Variants in ADARB2 observed in about 807,000 individuals in gnomAD.
ADARB2 encodes the protein adenosine deaminase RNA specific B2 (inactive).
A neutral mutation model predicts 62.2 loss-of-function variants in ADARB2; 25 were observed. The observed-to-expected ratio is 0.40, with a 90% confidence interval of 0.29 to 0.56. ADARB2 has a LOEUF of 0.56. Among genes scored for constraint, ADARB2 ranks in the 20% least tolerant of loss-of-function variants. The pLI is 0.43. For synonymous variants in ADARB2, 572 were observed against 500.8 expected (o/e 1.14, Z -1.90); for missense variants, 1,071 against 1,077.4 (o/e 0.99, Z 0.08).
chr10:1,673,674 G>A (rs930068484), intron 1 of ADARB2, among the ~76,000 whole-genome samples: 15 of 152,312 alleles, frequency 9.8e-5, no homozygotes, highest in African/African-American at 2.9e-4. Context: ...TAACGATGAC[G>A]AAGGAAAGGG....
At chr10:1,443,549 G>C (rs1013470728) in intron 1 of ADARB2, among the ~76,000 whole-genome samples, 1 of 152,122 alleles carries the variant, frequency 6.6e-6, no homozygotes, top group African/African-American at 2.4e-5. Context: ...AATCGCCTCT[G>C]TGTGTGGGAC....
chr10:1,714,652 A>C (rs1834993847), intron 1 of ADARB2, among the ~76,000 whole-genome samples: 2 of 152,266 alleles, frequency 1.3e-5, no homozygotes, highest in Admixed American at 1.3e-4. Flanking sequence ...CCCTCCTCCC[A>C]CAGAAGGCAG....
At chr10:1,435,062 A>G (rs1246058922) in intron 1 of ADARB2, among the ~76,000 whole-genome samples, 1 of 152,224 alleles carries the variant, frequency 6.6e-6, no homozygotes, top group African/African-American at 2.4e-5. Context: ...AAATTGAAGC[A>G]CAGCACGGAC....
chr10:1,663,218 TAC>T (rs1264427114), intron 1 of ADARB2, among the ~76,000 whole-genome samples: 5 of 152,258 alleles, frequency 3.3e-5, no homozygotes, highest in Admixed American at 6.5e-5. Flanking sequence ...CGCCTCCTTG[TAC>T]ACAGTTTGTC....
intron 3 of ADARB2, among the ~76,000 whole-genome samples, chr10:1,303,196 G>A (rs895752101): frequency 6.6e-6 from 1 of 152,098 alleles, no homozygotes; most frequent in African/African-American, 2.4e-5. Context: ...AGCTGATAGA[G>A]CTGAAAACCA....
At chr10:1,566,819 A>G (rs1173734868) in intron 1 of ADARB2, among the ~76,000 whole-genome samples, 1 of 152,242 alleles carries the variant, frequency 6.6e-6, no homozygotes, top group Non-Finnish European at 1.5e-5. Context: ...CCTTTCTTAA[A>G]TGTGTGCTTC....
At chr10:1,708,139 T>C (rs564546053) in intron 1 of ADARB2, among the ~76,000 whole-genome samples, 59 of 152,350 alleles carry the variant, frequency 3.9e-4, no homozygotes, top group African/African-American at 1.4e-3. Flanking sequence ...GGCTGCCTTC[T>C]GTCCCTTGGG....
chr10:1,418,965 G>T (rs1228479061), intron 1 of ADARB2, among the ~76,000 whole-genome samples: 1 of 152,172 alleles, frequency 6.6e-6, no homozygotes, highest in Non-Finnish European at 1.5e-5. Context: ...GAAAGAAAAG[G>T]GTTCACTTGG....
chr10:1,396,108 TTTG>T (rs1193783676), intron 1 of ADARB2, among the ~76,000 whole-genome samples: 2 of 152,210 alleles, frequency 1.3e-5, no homozygotes, highest in East Asian at 3.8e-4. Flanking sequence ...GCGTAAGTAA[TTTG>T]TTTAGAGAGC....
chr10:1,563,581 G>A (rs2999397), intron 1 of ADARB2, among the ~76,000 whole-genome samples: 1,921 of 152,200 alleles, frequency 0.013, 43 homozygotes, highest in African/African-American at 0.044. Flanking sequence ...AGGCTGACTT[G>A]AGGAAGAGAG....
At chr10:1,433,964 A>G (rs1340348291) in intron 1 of ADARB2, among the ~76,000 whole-genome samples, 1 of 152,232 alleles carries the variant, frequency 6.6e-6, no homozygotes, top group Non-Finnish European at 1.5e-5. Context: ...ATGTGCAATT[A>G]TGGTATCATT....
chr10:1,305,597 C>A (rs1371095957), intron 3 of ADARB2, among the ~76,000 whole-genome samples: 4 of 151,792 alleles, frequency 2.6e-5, no homozygotes, highest in South Asian at 4.1e-4. Context: ...GAGACACAAC[C>A]AAAAAAGAGA....
intron 1 of ADARB2, among the ~76,000 whole-genome samples, chr10:1,713,034 T>C (rs1834970842): frequency 6.6e-6 from 1 of 152,168 alleles, no homozygotes; most frequent in African/African-American, 2.4e-5. Flanking sequence ...ATCAAATCAT[T>C]TCCACTTGTC....
In ADARB2 at chr10:1,194,742, G is replaced by GT. The variant is rs577934475; in HGVS notation, c.1864+5223dup. On this transcript the variant is annotated intron_variant, in intron 8 of 9. Transcript: ENST00000381312. ...ATTTCTGAAATTCCTATTTGGTTCTGTTTTTTTCTGAGCTTTCATCTCTCC... is the reference window on the plus strand; with the variant it reads ...ATTTCTGAAATTCCTATTTGGTTCTGTTTTTTTTCTGAGCTTTCATCTCTCC... Among the ~76,000 whole-genome samples, 85 of 152,092 alleles carry GT rather than the reference G, an allele frequency of 5.6e-4. 1 individual carries two copies. The highest frequency in any genetic ancestry group is 1.9e-3 in the African/African-American group (80 of 41,484).
Position 1,731,297 on chromosome 10 carries a change from C to T in ADARB2, c.100+5754G>A, listed in dbSNP as rs116181614. On this transcript the variant is annotated intron_variant, in intron 1 of 9. Transcript: ENST00000381312. Reference sequence around the variant, plus strand: ...GGCAAGCAATCAGATAAAATAGCCCCGTCCTCCATTCCTTTTAAATCAAAT... The same window carrying T: ...GGCAAGCAATCAGATAAAATAGCCCTGTCCTCCATTCCTTTTAAATCAAAT... 6.4e-3 allele frequency among the ~76,000 whole-genome samples: 969 copies of T among 152,286 alleles called. 6 individuals are homozygous for T. The highest frequency in any genetic ancestry group is 0.021 in the African/African-American group (883 of 41,562).
chr10:1,678,172 AAATGCCCAGGGC>A (rs1834490622), intron 1 of ADARB2: 1 of 985,286 alleles, frequency 1.0e-6, no homozygotes, highest in Non-Finnish European at 1.2e-6. Context: ...GTCACCCAGC[AAATGCCCAGGGC>A]AATGCCACAG....
At chr10:1,276,729 T>C (rs1428314417) in intron 3 of ADARB2, among the ~76,000 whole-genome samples, 1 of 152,114 alleles carries the variant, frequency 6.6e-6, no homozygotes, top group Non-Finnish European at 1.5e-5. Context: ...TATCCAGGAA[T>C]TGAACTCAGC....
intron 1 of ADARB2, among the ~76,000 whole-genome samples, chr10:1,537,386 T>C (rs912133789): frequency 7.2e-5 from 11 of 152,248 alleles, no homozygotes; most frequent in Non-Finnish European, 5.9e-5. Flanking sequence ...AGTTCAACAA[T>C]TGCAGAAGAC....
chr10:1,731,708 T>C (rs1835233874), intron 1 of ADARB2, among the ~76,000 whole-genome samples: 1 of 152,222 alleles, frequency 6.6e-6, no homozygotes, highest in African/African-American at 2.4e-5. Context: ...TTGCAAATAC[T>C]TAACAACACG....
Sources: allele counts gnomAD v4.1 joint callset (sites outside exome capture counted in the v4.1 genomes callset), GRCh38; gene constraint gnomAD v4.1.1; transcripts MANE v1.5; gene names NCBI Gene and HGNC (gene_info 2026-07-23, HGNC 2026-07-21).